Variants in ARID1B observed in about 807,000 individuals in gnomAD.
ARID1B encodes AT-rich interaction domain 1B, also known as AT-rich interactive domain-containing protein 1B.
A neutral mutation model predicts 212.3 loss-of-function variants in ARID1B; 30 were observed. The observed-to-expected ratio is 0.14, with a 90% CI of 0.11 to 0.19. The LOEUF (loss-of-function observed/expected upper bound fraction) is 0.19, where lower values mean the gene tolerates loss of function less well. ARID1B is among the 10% of genes least tolerant of loss of function. The pLI is 1.00. For missense variants in ARID1B, 2,891 were observed against 3,204.0 expected (o/e 0.90, Z 2.36); for synonymous variants, 1,402 against 1,301.7 (o/e 1.08, Z -1.66).
chr6:156,888,333 T>G (rs1477046687), intron 2 of ARID1B, among the ~76,000 whole-genome samples: 1 of 152,240 alleles, frequency 6.6e-6, no homozygotes, highest in East Asian at 1.9e-4. Context: ...AATGGTGTCC[T>G]CACCATGTGC....
intron 3 of ARID1B, among the ~76,000 whole-genome samples, chr6:156,910,797 A>G (rs1789812375): frequency 6.6e-6 from 1 of 152,224 alleles, no homozygotes; most frequent in Admixed American, 6.5e-5. Context: ...AATGTTTATG[A>G]TAGATCATTT....
intron 13 of ARID1B, 190 bp downstream of exon 13, chr6:157,184,625 T>A: frequency 1.5e-6 from 1 of 672,828 alleles, no homozygotes; most frequent in Non-Finnish European, 2.6e-6. Flanking sequence ...GAATTAAATC[T>A]GGGATATGGC....
At chr6:156,809,274 G>A (rs1781398186) in intron 1 of ARID1B, among the ~76,000 whole-genome samples, 1 of 152,142 alleles carries the variant, frequency 6.6e-6, no homozygotes, top group Admixed American at 6.5e-5. Context: ...TTAGCTTCAT[G>A]TGCTATGTGA....
chr6:156,951,553 T>C (rs867017719), intron 4 of ARID1B, among the ~76,000 whole-genome samples: 9 of 152,062 alleles, frequency 5.9e-5, no homozygotes, highest in Non-Finnish European at 7.4e-5. Context: ...ACGCCATTCT[T>C]CTGCCTCAGC....
chr6:157,119,144 G>A (rs1787529977), intron 6 of ARID1B, among the ~76,000 whole-genome samples: 4 of 152,130 alleles, frequency 2.6e-5, no homozygotes, highest in Admixed American at 6.5e-5. Flanking sequence ...TAGTCACCAA[G>A]TTCCACCAAC....
chr6:156,882,777 G>A (rs1231546185), intron 2 of ARID1B, among the ~76,000 whole-genome samples: 1 of 151,552 alleles, frequency 6.6e-6, no homozygotes, highest in African/African-American at 2.4e-5. Flanking sequence ...TGCTATTGTC[G>A]TGAGTGCTAG....
chr6:157,063,494 T>A (rs1005039479), intron 4 of ARID1B, among the ~76,000 whole-genome samples: 5 of 152,198 alleles, frequency 3.3e-5, no homozygotes, highest in African/African-American at 1.2e-4. Flanking sequence ...CTGTTAGATT[T>A]TTTTTTAGAT....
chr6:156,812,973 T>TACAC (rs1562404021), intron 1 of ARID1B, among the ~76,000 whole-genome samples: 1 of 139,316 alleles, frequency 7.2e-6, no homozygotes, highest in Non-Finnish European at 1.5e-5. Flanking sequence ...TGTGTGTGTG[T>TACAC]GTGTATGTAT....
chr6:157,192,251 GA>G (rs1463528175), intron 15 of ARID1B, among the ~76,000 whole-genome samples: 12 of 152,104 alleles, frequency 7.9e-5, no homozygotes, highest in African/African-American at 2.9e-4. Context: ...TGACAACATG[GA>G]AAAAAATAAT....
At chr6:156,814,585 G>A (rs1176676746) in intron 1 of ARID1B, among the ~76,000 whole-genome samples, 3 of 152,156 alleles carry the variant, frequency 2.0e-5, no homozygotes, top group Non-Finnish European at 4.4e-5. Flanking sequence ...AATTGGCTTG[G>A]CGTGGTCAAT....
At chr6:156,854,190 T>C (rs1490760750) in intron 2 of ARID1B, among the ~76,000 whole-genome samples, 3 of 152,224 alleles carry the variant, frequency 2.0e-5, no homozygotes, top group Non-Finnish European at 2.9e-5. Context: ...ATTAACAATT[T>C]CCTTTTATCA....
intron 2 of ARID1B, among the ~76,000 whole-genome samples, chr6:156,877,262 A>C (rs570956790): frequency 6.6e-6 from 1 of 152,192 alleles, no homozygotes; most frequent in Admixed American, 6.5e-5. Flanking sequence ...TGATGGCATG[A>C]CCCTTCTGGA....
At chr6:156,801,558 T>G (rs576486613) in intron 1 of ARID1B, among the ~76,000 whole-genome samples, 1 of 152,316 alleles carries the variant, frequency 6.6e-6, no homozygotes, top group East Asian at 1.9e-4. Flanking sequence ...ATCTAAACTT[T>G]AAAAATAATG....
At chr6:157,045,695 T>C (rs1282671592) in intron 4 of ARID1B, among the ~76,000 whole-genome samples, 1 of 152,240 alleles carries the variant, frequency 6.6e-6, no homozygotes, top group African/African-American at 2.4e-5. Context: ...ACTCATAATC[T>C]TATGAACTCA....
At chr6:156,901,289 C>A in intron 2 of ARID1B, 87 bp from the exon 3 acceptor site, 1 of 1,498,572 alleles carries the variant, frequency 6.7e-7, no homozygotes, top group East Asian at 2.3e-5. Context: ...AGAGAACCCC[C>A]TTCATGTTGC....
intron 4 of ARID1B, among the ~76,000 whole-genome samples, chr6:157,007,154 T>G (rs1483790881): frequency 6.6e-6 from 1 of 152,236 alleles, no homozygotes; most frequent in Non-Finnish European, 1.5e-5. Context: ...GAAGGACTCA[T>G]GGAAGGGACG....
At chr6:157,010,841 A>G (rs1779563950) in intron 4 of ARID1B, among the ~76,000 whole-genome samples, 1 of 152,316 alleles carries the variant, frequency 6.6e-6, no homozygotes, top group South Asian at 2.1e-4. Flanking sequence ...TGAAATTGCT[A>G]CTTTCCTATT....
chr6:156,835,782 C>T (rs1017203234), intron 2 of ARID1B, among the ~76,000 whole-genome samples: 2 of 152,060 alleles, frequency 1.3e-5, no homozygotes, highest in Admixed American at 6.5e-5. Context: ...TGCTCTGTTG[C>T]CCGGGCTGGA....
At chr6:156,893,995 C>G (rs919901972) in intron 2 of ARID1B, among the ~76,000 whole-genome samples, 1 of 152,138 alleles carries the variant, frequency 6.6e-6, no homozygotes, top group African/African-American at 2.4e-5. Flanking sequence ...AACCCCTATT[C>G]AGAGCAGCAT....
Sources: allele counts gnomAD v4.1 joint callset (sites outside exome capture counted in the v4.1 genomes callset), GRCh38; gene constraint gnomAD v4.1.1; transcripts MANE v1.5; gene names NCBI Gene and HGNC (gene_info 2026-07-23, HGNC 2026-07-21).